The following CLDN16 variants were observed in gnomAD, a reference collection of about 807,000 sequenced individuals.
CLDN16 encodes the protein claudin-16.
A neutral mutation model predicts 24.6 loss-of-function variants in CLDN16; 13 were observed. The observed-to-expected ratio is 0.53, with a 90% confidence interval of 0.34 to 0.84. CLDN16 has a LOEUF of 0.84. CLDN16 is among the 40% of genes least tolerant of loss of function. CLDN16 has a pLI of 0.01. For missense variants in CLDN16, 298 were observed against 292.7 expected (o/e 1.02, Z -0.13); for synonymous variants, 116 against 106.7 (o/e 1.09, Z -0.54).
chr3:190,393,828 G>A (rs763006899), intron 1 of CLDN16, among the ~76,000 whole-genome samples: 11 of 143,956 alleles, frequency 7.6e-5, no homozygotes, highest in Admixed American at 3.7e-4. Flanking sequence ...TTGGCTCACT[G>A]CAGCCTCCAC....
At chr3:190,367,772 GA>G (rs1718054316) in intron 1 of CLDN16, among the ~76,000 whole-genome samples, 1 of 151,842 alleles carries the variant, frequency 6.6e-6, no homozygotes, top group South Asian at 2.1e-4. Context: ...TTTCTTTCTT[GA>G]AAATTTTTAG....
chr3:190,329,450 C>A (rs1368146309), intron 1 of CLDN16, among the ~76,000 whole-genome samples: 47 of 152,116 alleles, frequency 3.1e-4, no homozygotes, highest in Admixed American at 3.1e-3. Flanking sequence ...CAGTTTTAGC[C>A]ATTTCAGAGA....
At chr3:190,374,343 TAATTTGCACAGGGCCAA>T (rs920024965) in intron 2 of CLDN16, among the ~76,000 whole-genome samples, 4 of 147,710 alleles carry the variant, frequency 2.7e-5, no homozygotes, top group Non-Finnish European at 3.0e-5. Flanking sequence ...CAGAGACCCT[TAATTTGCACAGGGCCAA>T]ATGTGTAAGT....
At chr3:190,392,695 A>G (rs1329747566) in intron 1 of CLDN16, among the ~76,000 whole-genome samples, 3 of 152,214 alleles carry the variant, frequency 2.0e-5, no homozygotes, top group Non-Finnish European at 2.9e-5. Context: ...GGAGAAGTAG[A>G]GAGTATTCCA....
chr3:190,316,874 T>G, the CLDN16 span, among the ~76,000 whole-genome samples: 2 of 152,252 alleles, frequency 1.3e-5, no homozygotes, highest in Non-Finnish European at 1.5e-5. Flanking sequence ...GAGCCTGGTA[T>G]GCTAAAATCT....
upstream of CLDN16, among the ~76,000 whole-genome samples, chr3:190,387,362 G>GA (rs1553807572): frequency 2.0e-5 from 3 of 151,086 alleles, no homozygotes; most frequent in Non-Finnish European, 4.4e-5. Context: ...TAATATAACA[G>GA]TTTTTTTTTC....
At chr3:190,322,528 A>ATT, upstream of CLDN16, 1 of 326,810 alleles carries the variant, frequency 3.1e-6, no homozygotes, top group Non-Finnish European at 5.8e-6. Context: ...TGGCGGTTTC[A>ATT]GGGCGGCTCA....
intron 1 of CLDN16, among the ~76,000 whole-genome samples, chr3:190,344,008 TG>T (rs1233618897): frequency 6.6e-6 from 1 of 151,898 alleles, no homozygotes; most frequent in African/African-American, 2.4e-5. Context: ...TGTAAGATGA[TG>T]GATTTGCTAT....
chr3:190,292,316 C>T, the CLDN16 span, among the ~76,000 whole-genome samples: 2 of 152,184 alleles, frequency 1.3e-5, no homozygotes, highest in African/African-American at 4.8e-5. Flanking sequence ...GGGACTTACA[C>T]CTTCTGAAAC....
chr3:190,409,768 T>C, intron 4 of CLDN16, 135 bp from the exon 5 acceptor site: 1 of 816,354 alleles, frequency 1.2e-6, no homozygotes, highest in Non-Finnish European at 2.0e-6. Context: ...CTAGGATTCT[T>C]CTTAGAGTTC....
intron 2 of CLDN16, among the ~76,000 whole-genome samples, chr3:190,403,481 C>A (rs557904857): frequency 5.9e-5 from 9 of 152,260 alleles, no homozygotes; most frequent in African/African-American, 2.2e-4. Flanking sequence ...ATAAGAACAT[C>A]GAACCCTGCT....
chr3:190,349,468 G>A (rs2108634767), intron 1 of CLDN16, among the ~76,000 whole-genome samples: 1 of 152,264 alleles, frequency 6.6e-6, no homozygotes, highest in Non-Finnish European at 1.5e-5. Flanking sequence ...CCAGGCTCAG[G>A]TAGGTATTTA....
At chr3:190,360,597 TA>T (rs2108641222) in intron 1 of CLDN16, among the ~76,000 whole-genome samples, 1 of 152,148 alleles carries the variant, frequency 6.6e-6, no homozygotes, top group African/African-American at 2.4e-5. Context: ...TTATTAATTA[TA>T]ATGTAATTAT....
chr3:190,402,708 T>A (rs1402736742), intron 2 of CLDN16, among the ~76,000 whole-genome samples: 1 of 152,090 alleles, frequency 6.6e-6, no homozygotes, highest in Admixed American at 6.6e-5. Context: ...GGCATAGTGC[T>A]TCATACTCAG....
chr3:190,298,414 T>C, the CLDN16 span, among the ~76,000 whole-genome samples: 1 of 150,772 alleles, frequency 6.6e-6, no homozygotes, highest in Non-Finnish European at 1.5e-5. Flanking sequence ...AGCTACGAGT[T>C]AAAAATGATA....
chr3:190,298,243 C>G, the CLDN16 span, among the ~76,000 whole-genome samples: 1 of 152,010 alleles, frequency 6.6e-6, no homozygotes, highest in African/African-American at 2.4e-5. Context: ...ATACTTGTAA[C>G]TTCTTTACCA....
At chr3:190,382,634 T>G (rs1033510595) in intron 3 of CLDN16, among the ~76,000 whole-genome samples, 1 of 152,150 alleles carries the variant, frequency 6.6e-6, no homozygotes, top group Non-Finnish European at 1.5e-5. Context: ...CCCTTCTTAA[T>G]TGAGCATAAT....
chr3:190,374,168 C>G (rs544682583), intron 2 of CLDN16, among the ~76,000 whole-genome samples: 1 of 151,822 alleles, frequency 6.6e-6, no homozygotes, highest in Admixed American at 6.6e-5. Flanking sequence ...GTAAAAATCT[C>G]CAGATTCCAA....
chr3:190,344,479 T>C lies in CLDN16; in HGVS notation n.121+21818T>C, dbSNP rs989486052. ...ATAAGTATTATAGAGTAGTGAATAA[T>C]GTATATTATATATAATTCATAATTA... On this transcript the variant is annotated intron_variant and non_coding_transcript_variant, in intron 1 of 4. Coordinates refer to the CLDN16 transcript ENST00000468220. Among the ~76,000 whole-genome samples, 16 of 151,932 alleles carry C rather than the reference T, an allele frequency of 1.1e-4. No homozygotes were observed. The South Asian group carries it at 3.3e-3, about 31-fold the overall frequency.
Sources: allele counts gnomAD v4.1 joint callset (sites outside exome capture counted in the v4.1 genomes callset), GRCh38; gene constraint gnomAD v4.1.1; transcripts MANE v1.5; gene names NCBI Gene and HGNC (gene_info 2026-07-23, HGNC 2026-07-21).